The following CRABP2 variants were observed in gnomAD, a reference collection of about 807,000 sequenced individuals.
The protein encoded by CRABP2 is cellular retinoic acid-binding protein 2.
In CRABP2, 20 loss-of-function variants were observed where a neutral mutation model predicts 17.9. The observed-to-expected ratio is 1.12, with a 90% CI of 0.79 to 1.63. The LOEUF (loss-of-function observed/expected upper bound fraction) is 1.63, where lower values mean the gene tolerates loss of function less well. Ranked by LOEUF, CRABP2 falls within the 40% of genes most tolerant of loss-of-function variation. The pLI, the probability that CRABP2 is intolerant of heterozygous loss-of-function variation, is 0.00. For missense variants in CRABP2, 151 were observed against 168.6 expected, an observed-to-expected ratio of 0.90 and a Z score of 0.58; for synonymous variants, 76 against 66.4, an observed-to-expected ratio of 1.14 and a Z score of -0.70.
chr1:156,704,180 G>A (rs572885633), intron 1 of CRABP2, among the ~76,000 whole-genome samples: 1 of 152,296 alleles, frequency 6.6e-6, no homozygotes, highest in South Asian at 2.1e-4. Context: ...AGTTTAGCAA[G>A]GACAGAGCAA....
chr1:156,700,825 A>G, intron 2 of CRABP2, 49 bp downstream of exon 2: 1 of 1,590,748 alleles, frequency 6.3e-7, no homozygotes, highest in Non-Finnish European at 8.6e-7. Flanking sequence ...TGGCAGGTTG[A>G]GAGGCAGGGC....
chr1:156,702,362 T>C (rs1010993201), intron 1 of CRABP2, among the ~76,000 whole-genome samples: 1 of 150,672 alleles, frequency 6.6e-6, no homozygotes, highest in African/African-American at 2.4e-5. Context: ...GAGGCTGGGG[T>C]AGGAGAATCA....
In CRABP2 at chr1:156,700,676, C is replaced by A. The variant is rs752307225; in HGVS notation, c.250-18G>T. ...ACCAGGCTCTGCAAGAGACAGGTGGCCAAGTGAGCTGGGCCCATAGCAGGG... is the reference window on the plus strand; with the variant it reads ...ACCAGGCTCTGCAAGAGACAGGTGGACAAGTGAGCTGGGCCCATAGCAGGG... On this transcript the variant is annotated intron_variant, in intron 2 of 3. Coordinates refer to ENST00000368222, the MANE Select transcript of CRABP2 (RefSeq NM_001878.4). The A allele has an allele frequency of 1.7e-5, 28 of 1,607,726 alleles. No homozygotes were observed. The highest frequency in any genetic ancestry group is 3.3e-4 in the Middle Eastern group (2 of 6,044).
At chr1:156,701,864 T>A (rs1648043946) in intron 1 of CRABP2, among the ~76,000 whole-genome samples, 1 of 151,854 alleles carries the variant, frequency 6.6e-6, no homozygotes, top group South Asian at 2.1e-4. Flanking sequence ...CAAGGTTGGG[T>A]ATAGTGGCTC....
intron 1 of CRABP2, among the ~76,000 whole-genome samples, chr1:156,701,341 G>C (rs1648025717): frequency 6.6e-6 from 1 of 152,124 alleles, no homozygotes; most frequent in African/African-American, 2.4e-5. Context: ...CAGCAGGTCT[G>C]GATCAGGCTC....
At chr1:156,704,322 C>T (rs943271129) in intron 1 of CRABP2, among the ~76,000 whole-genome samples, 1 of 152,270 alleles carries the variant, frequency 6.6e-6, no homozygotes, top group Non-Finnish European at 1.5e-5. Context: ...CTCCTATAGT[C>T]CAGGGAGAGG....
chr1:156,705,659 T>C (rs1325516141), upstream of CRABP2: 5 of 434,860 alleles, frequency 1.1e-5, no homozygotes, highest in South Asian at 1.5e-4. This position sits in a 1 kb window ranked among gnomAD's most constrained non-coding sequence, Gnocchi z 5.2. Context: ...TGGCCCCGCC[T>C]CCCGCTCCGC....
rs370776888 is a variant in CRABP2 at position 156,700,949 on chromosome 1, G to C, written c.174C>G (p.Thr58=). 2.5e-6 allele frequency: 4 copies of C among 1,614,060 alleles called. No homozygotes were observed. Among genetic ancestry groups the C allele is most frequent in the African/African-American group, 2.7e-5 (2 of 74,914 alleles). Residue 58 remains threonine, a synonymous_variant, in exon 2 of 4, where the codon ACC becomes ACG. Transcript: ENST00000368222. ...TGAAGTTAATCTCTGTGGTGCGCAC[G>C]GTGGTGGAGGTTTTGATGTAGAAAG... ...GDTFYIKTST[T]VRTTEINFKV...
intron 3 of CRABP2, 68 bp downstream of exon 3, chr1:156,700,473 TG>T: frequency 7.8e-7 from 1 of 1,277,684 alleles, no homozygotes; most frequent in Non-Finnish European, 1.1e-6. Context: ...TCCTGCACCC[TG>T]GGGTCTCCCA....
At chr1:156,703,249 G>A (rs1281532313) in intron 1 of CRABP2, among the ~76,000 whole-genome samples, 1 of 152,072 alleles carries the variant, frequency 6.6e-6, no homozygotes, top group African/African-American at 2.4e-5. Flanking sequence ...CCCTCACAGG[G>A]TCCGGCTATC....
At position 156,699,986 on chromosome 1, in the gene CRABP2, G is replaced by A. The variant is rs1336704489; in HGVS notation, c.*40C>T. ...GCAGTGAAGCAGGGCGGTGAGCATG[G>A]CCAGTGGTGGGCTTCGGCCGCGGTT... On this transcript the variant is annotated 3_prime_UTR_variant, in exon 4 of 4. Coordinates refer to ENST00000368222, the MANE Select transcript of CRABP2 (RefSeq NM_001878.4). 1.2e-6 allele frequency: 2 copies of A among 1,601,498 alleles called. No individual in the cohort carries two copies. The highest frequency in any genetic ancestry group is 1.7e-6 in the Non-Finnish European group (2 of 1,173,214).
At chr1:156,700,711 T>C in intron 2 of CRABP2, 53 bp from the exon 3 acceptor site, 1 of 1,554,938 alleles carries the variant, frequency 6.4e-7, no homozygotes, top group Non-Finnish European at 8.9e-7. Flanking sequence ...GGCAATGCAG[T>C]GAGAGGGATA....
chr1:156,703,722 G>A (rs1387762310), intron 1 of CRABP2, among the ~76,000 whole-genome samples: 1 of 152,212 alleles, frequency 6.6e-6, no homozygotes, highest in East Asian at 1.9e-4. Context: ...GAACTCTTGT[G>A]TCTAGGAAGA....
chr1:156,701,013 G>C lies in CRABP2; in HGVS notation c.110C>G (p.Ala37Gly). The C allele has an allele frequency of 1.2e-6, 2 of 1,614,118 alleles. No individual in the cohort carries two copies. Among genetic ancestry groups the C allele is most frequent in the Non-Finnish European group, 8.5e-7 (1 of 1,180,010 alleles). ...TTTGATCTCCACTGCTGGCTTGGAC[G>C]CTGCAGCCACAGCAATCTTCCTCAG... Reference protein sequence around the residue: ...VMLRKIAVAAASKPAVEIKQE... With the variant: ...VMLRKIAVAAGSKPAVEIKQE... Residue 37 changes from alanine (A) to glycine (G), a missense_variant, in exon 2 of 4, where the codon GCG (alanine) becomes GGG (glycine). Transcript: ENST00000368222.
rs764062220 is a variant in CRABP2 at position 156,700,889 on chromosome 1, A to G, written c.234T>C (p.Asp78=). 1.2e-6 allele frequency: 2 copies of G among 1,613,838 alleles called. No individual in the cohort carries two copies. The highest frequency in any genetic ancestry group is 1.7e-6 in the Non-Finnish European group (2 of 1,179,880). Residue 78 remains aspartate (D), a synonymous_variant, in exon 2 of 4, where the codon GAT becomes GAC. Coordinates refer to ENST00000368222, the MANE Select transcript of CRABP2 (RefSeq NM_001878.4). The part of the protein sequence containing the change: ...VGEEFEEQTV[D]GRPCKSLVKW... ...TGGCACTCACCTTACAGGGCCTCCC[A>G]TCCACAGTCTGCTCCTCAAACTCCT...
chr1:156,700,745 C>G lies in CRABP2; in HGVS notation c.250-87G>C, dbSNP rs544245752. 120 of 1,504,598 alleles carry G rather than the reference C, an allele frequency of 8.0e-5. No individual in the cohort carries two copies. In the African/African-American group the frequency reaches 1.3e-3, roughly 17 times the overall value. 93.2% of individuals were successfully genotyped at this position (1,504,598 alleles called of 1,614,324 possible). On this transcript the variant is annotated intron_variant, in intron 2 of 3. Coordinates refer to ENST00000368222, the MANE Select transcript of CRABP2 (RefSeq NM_001878.4). Reference sequence around the variant, plus strand: ...TAAGGGAGAGAGCCCCTTTCTAGCCCCCACCACCACCTAGGGATTTTCCCT... The same window carrying G: ...TAAGGGAGAGAGCCCCTTTCTAGCCGCCACCACCACCTAGGGATTTTCCCT...
At chr1:156,702,799 T>C (rs1193603916) in intron 1 of CRABP2, among the ~76,000 whole-genome samples, 1 of 139,326 alleles carries the variant, frequency 7.2e-6, no homozygotes, top group African/African-American at 2.7e-5. Flanking sequence ...AAAAAGCCAA[T>C]TGGGATGGTA....
At chr1:156,704,632 G>A (rs1018224429) in intron 1 of CRABP2, among the ~76,000 whole-genome samples, 2 of 152,254 alleles carry the variant, frequency 1.3e-5, no homozygotes, top group Admixed American at 1.3e-4. Flanking sequence ...TTGGGCTGCA[G>A]CCGATCTATG....
chr1:156,699,884 G>A lies in CRABP2; in HGVS notation c.*142C>T, dbSNP rs1312512954. The A allele has an allele frequency of 3.8e-6, 3 of 784,700 alleles. No individual in the cohort carries two copies. Among genetic ancestry groups the A allele is most frequent in the East Asian group, 2.7e-5 (1 of 36,704 alleles). 48.6% of individuals were successfully genotyped at this position (784,700 alleles called of 1,614,324 possible). A position where few individuals can be genotyped will look rare whatever the true frequency, so the allele number is the denominator to read the frequency against. ...GGTCAAAGAAAGCAAGACCCTGCAAGAGGCATCCCAGTGACCCCCAGAAGT... is the reference window on the plus strand; with the variant it reads ...GGTCAAAGAAAGCAAGACCCTGCAAAAGGCATCCCAGTGACCCCCAGAAGT... On this transcript the variant is annotated 3_prime_UTR_variant, in exon 4 of 4. Coordinates refer to ENST00000368222, the MANE Select transcript of CRABP2 (RefSeq NM_001878.4).
Sources: gnomAD v4.1 joint callset for allele counts (sites outside exome capture counted in the v4.1 genomes callset) on GRCh38, gnomAD v4.1.1 for gene constraint, Gnocchi (gnomAD v3.1) non-coding constraint, MANE v1.5 for transcripts, NCBI Gene and HGNC (gene_info 2026-07-23, HGNC 2026-07-21) for gene names.